The following SPATS2L variants were observed in gnomAD, a reference collection of about 807,000 sequenced individuals.
SPATS2L encodes SPATS2-like protein.
A neutral mutation model predicts 59.6 loss-of-function variants in SPATS2L; 30 were observed. The ratio of observed to expected loss-of-function variants is 0.50; its 90% confidence interval spans 0.38 to 0.68. The LOEUF (loss-of-function observed/expected upper bound fraction) is 0.68. SPATS2L is among the 30% of genes least tolerant of loss of function. SPATS2L has a pLI of 0.00. For synonymous variants in SPATS2L, 252 were observed against 263.5 expected, an observed-to-expected ratio of 0.96 and a Z score of 0.42; for missense variants, 615 against 700.0, an observed-to-expected ratio of 0.88 and a Z score of 1.37.
chr2:200,448,763 C>A (rs1163712395), intron 8 of SPATS2L, among the ~76,000 whole-genome samples: 2 of 152,098 alleles, frequency 1.3e-5, no homozygotes, highest in East Asian at 3.9e-4. Flanking sequence ...CCCCAACATT[C>A]AATATTATGC....
At chr2:200,464,989 T>A (rs566928872) in intron 9 of SPATS2L, among the ~76,000 whole-genome samples, 62 of 152,300 alleles carry the variant, frequency 4.1e-4, no homozygotes, top group African/African-American at 1.4e-3. Context: ...CTTTAGATAT[T>A]CCCTTTAAGT....
In SPATS2L at chr2:200,354,336, C is replaced by T. The variant is rs1343095651; in HGVS notation, c.-23+24856C>T. The stretch of plus-strand genomic sequence containing the variant: ...TAAAGAATCAAGTTCAGGTCGGGCG[C>T]GATGGCTCACACCTGTAATCCCAGC... On this transcript the variant is annotated intron_variant, in intron 2 of 12. Coordinates refer to ENST00000409140, the MANE Select transcript of SPATS2L (RefSeq NM_001100423.2). Among the ~76,000 whole-genome samples the T allele has an allele frequency of 5.3e-5, 8 of 152,134 alleles. No homozygotes were observed. In the South Asian group the frequency reaches 6.2e-4, roughly 12 times the overall value.
At chr2:200,443,337 A>G (rs2084822287) in intron 8 of SPATS2L, among the ~76,000 whole-genome samples, 1 of 152,156 alleles carries the variant, frequency 6.6e-6, no homozygotes, top group African/African-American at 2.4e-5. Flanking sequence ...TTTCCTATTG[A>G]TGGTGAAATC....
chr2:200,413,795 G>A (rs531018471), intron 4 of SPATS2L, among the ~76,000 whole-genome samples: 1 of 152,280 alleles, frequency 6.6e-6, no homozygotes, highest in Non-Finnish European at 1.5e-5. Flanking sequence ...AATTGAATTA[G>A]CAAATGATTA....
intron 6 of SPATS2L, among the ~76,000 whole-genome samples, chr2:200,421,053 G>A (rs919516609): frequency 3.9e-5 from 6 of 152,116 alleles, no homozygotes; most frequent in South Asian, 2.1e-4. Flanking sequence ...AATCAGTGGC[G>A]TTTTAAACTC....
chr2:200,345,756 G>T (rs2080491333), intron 2 of SPATS2L, among the ~76,000 whole-genome samples: 1 of 152,122 alleles, frequency 6.6e-6, no homozygotes, highest in East Asian at 1.9e-4. Flanking sequence ...TTGATCTTTT[G>T]CTCCTTTGAA....
chr2:200,473,324 G>T (rs1335289385), intron 12 of SPATS2L, among the ~76,000 whole-genome samples: 1 of 152,124 alleles, frequency 6.6e-6, no homozygotes, highest in African/African-American at 2.4e-5. Flanking sequence ...CCACCCCAGT[G>T]ACACAGTTCT....
chr2:200,449,402 T>C (rs1466723129), intron 8 of SPATS2L, among the ~76,000 whole-genome samples: 1 of 152,236 alleles, frequency 6.6e-6, no homozygotes, highest in African/African-American at 2.4e-5. Flanking sequence ...AGTCACACAC[T>C]TGGCACTGGC....
At chr2:200,435,020 TTA>T (rs1559129541) in intron 6 of SPATS2L, among the ~76,000 whole-genome samples, 2 of 152,122 alleles carry the variant, frequency 1.3e-5, no homozygotes, top group Non-Finnish European at 2.9e-5. Context: ...CAGTTAATGT[TTA>T]TCAGAGGTAC....
rs1181877265 is a variant in SPATS2L, at chr2:200,419,255, TAAAAGA to T, written c.212_217del (p.Lys71_Arg72del). On this transcript the variant is annotated inframe_deletion, in exon 6 of 13. Transcript: ENST00000409140. ...TCATTTGTTTCTCATTCTAGAACAATAAAAGAAAAAGAAGCAAGTCCAAGCAGCATC... is the reference window on the plus strand; with the variant it reads ...TCATTTGTTTCTCATTCTAGAACAATAAAAGAAGCAAGTCCAAGCAGCATC... The T allele has an allele frequency of 1.9e-6, 3 of 1,568,968 alleles. No individual in the cohort carries two copies. The highest frequency in any genetic ancestry group is 1.9e-5 in the Admixed American group (1 of 52,554).
intron 2 of SPATS2L, among the ~76,000 whole-genome samples, chr2:200,339,286 C>G (rs1193546364): frequency 6.6e-6 from 1 of 152,020 alleles, no homozygotes; most frequent in Non-Finnish European, 1.5e-5. Flanking sequence ...AGGCCACAAT[C>G]ATTTTTATTC....
chr2:200,366,749 A>G (rs2105882664), intron 2 of SPATS2L, among the ~76,000 whole-genome samples: 1 of 152,344 alleles, frequency 6.6e-6, no homozygotes, highest in East Asian at 1.9e-4. Context: ...GGAGGAATCC[A>G]TGTCACACTG....
intron 6 of SPATS2L, among the ~76,000 whole-genome samples, chr2:200,434,170 A>G (rs1457483794): frequency 1.3e-5 from 2 of 152,064 alleles, no homozygotes; most frequent in African/African-American, 4.8e-5. Context: ...TAATATTATT[A>G]ATAAAATAAA....
chr2:200,352,693 A>T (rs1470491892), intron 2 of SPATS2L, among the ~76,000 whole-genome samples: 1 of 152,144 alleles, frequency 6.6e-6, no homozygotes, highest in Non-Finnish European at 1.5e-5. Context: ...ACTCAGTGCC[A>T]GCACACCTGA....
chr2:200,410,829 T>G (rs2082851503), intron 3 of SPATS2L, among the ~76,000 whole-genome samples: 1 of 152,160 alleles, frequency 6.6e-6, no homozygotes, highest in Non-Finnish European at 1.5e-5. Context: ...GGAAGTTTGA[T>G]TGCTTGTCAG....
intron 2 of SPATS2L, among the ~76,000 whole-genome samples, chr2:200,355,955 C>T (rs1228218408): frequency 1.3e-5 from 2 of 152,156 alleles, no homozygotes; most frequent in Admixed American, 6.5e-5. Flanking sequence ...GTAAAACACA[C>T]TTAAAACCTG....
In SPATS2L at chr2:200,477,721, G is replaced by A. The variant is rs2087650091; in HGVS notation, c.1367G>A (p.Gly456Glu). Residue 456 changes from glycine to glutamate, a missense_variant, in exon 13 of 13, where the codon GGG (glycine) becomes GAG (glutamate). Gly to Glu is a moderately conservative substitution (Grantham distance 98). This residue lies in a region of SPATS2L where 284 missense variants were observed against 280.1 expected (regional missense o/e 1.01). Coordinates refer to ENST00000409140, the MANE Select transcript of SPATS2L (RefSeq NM_001100423.2). ...GGGCCTGCCAAGTCGCAGGGCAGTG[G>A]GAATGAAGCCGAGCCACTGGGAAAG... ...LNGPAKSQGS[G>E]NEAEPLGKGN... 1 of 1,565,342 alleles carries A rather than the reference G, an allele frequency of 6.4e-7. No individual in the cohort carries two copies. Among genetic ancestry groups the A allele is most frequent in the Admixed American group, 1.9e-5 (1 of 52,394 alleles).
intron 1 of SPATS2L, among the ~76,000 whole-genome samples, chr2:200,325,770 T>A (rs557831192): frequency 1.6e-4 from 25 of 152,340 alleles, no homozygotes; most frequent in African/African-American, 5.1e-4. Flanking sequence ...AAGTTTTAAC[T>A]GTTTGACAAT....
At chr2:200,415,522 A>G (rs764082079) in intron 4 of SPATS2L, among the ~76,000 whole-genome samples, 7 of 152,178 alleles carry the variant, frequency 4.6e-5, no homozygotes, top group Non-Finnish European at 7.4e-5. Flanking sequence ...TTTGAAAACA[A>G]CTGATATCCT....
Sources: gnomAD v4.1 joint callset for allele counts (sites outside exome capture counted in the v4.1 genomes callset) on GRCh38, gnomAD v4.1.1 for gene constraint, gnomAD v4.1.1 regional missense constraint, MANE v1.5 for transcripts, NCBI Gene and HGNC (gene_info 2026-07-23, HGNC 2026-07-21) for gene names.